Variants in PHIP observed in about 807,000 individuals in gnomAD.
PHIP encodes the protein PH-interacting protein.
PHIP carries 54 observed loss-of-function variants against 236.8 expected under a neutral mutation model. The ratio of observed to expected loss-of-function variants is 0.23; its 90% confidence interval spans 0.18 to 0.29. PHIP has a LOEUF of 0.29. PHIP is among the 10% of genes least tolerant of loss of function. PHIP has a pLI of 1.00. For missense variants in PHIP, 1,370 were observed against 2,190.8 expected, an observed-to-expected ratio of 0.63 and a Z score of 7.48; for synonymous variants, 756 against 718.9, an observed-to-expected ratio of 1.05 and a Z score of -0.83.
intron 4 of PHIP, 74 bp downstream of exon 4, chr6:79,077,374 A>G: frequency 7.3e-7 from 1 of 1,374,572 alleles, no homozygotes. Context: ...TTGTCTCTGT[A>G]AAAAATTGCG....
At chr6:79,032,031 T>C (rs1034517768) in intron 7 of PHIP, among the ~76,000 whole-genome samples, 1 of 152,194 alleles carries the variant, frequency 6.6e-6, no homozygotes, top group Non-Finnish European at 1.5e-5. Context: ...AATTTTTTGG[T>C]TTCCAAGTGC....
At chr6:79,002,170 T>C in intron 16 of PHIP, 46 bp from the exon 17 acceptor site, 2 of 1,342,102 alleles carry the variant, frequency 1.5e-6, no homozygotes, top group Non-Finnish European at 2.1e-6. Flanking sequence ...TAAAAATGTA[T>C]CATTGTAGAA....
At chr6:79,060,600 G>A (rs762358351) in intron 5 of PHIP, 24 bp from the exon 6 acceptor site, 51 of 1,607,972 alleles carry the variant, frequency 3.2e-5, no homozygotes, top group Non-Finnish European at 4.3e-5. Context: ...GTATTTTTAT[G>A]CATACAAAGA....
rs900359779 is a variant in PHIP at position 78,934,882 on chromosome 6, A to T, written c.*5811T>A. 2.0e-5 allele frequency among the ~76,000 whole-genome samples: 3 copies of T among 152,168 alleles called. No homozygotes were observed. The highest frequency in any genetic ancestry group is 4.4e-5 in the Non-Finnish European group (3 of 68,020). ...CACTGTGCTGCCAGTATGTCTAACCAATTAGGTAGAAAGGTATTTCATTGA... is the reference window on the plus strand; with the variant it reads ...CACTGTGCTGCCAGTATGTCTAACCTATTAGGTAGAAAGGTATTTCATTGA... On this transcript the variant is annotated 3_prime_UTR_variant, in exon 40 of 40. Coordinates refer to ENST00000275034, the MANE Select transcript of PHIP (RefSeq NM_017934.7).
At chr6:79,044,099 C>T (rs1012762214) in intron 6 of PHIP, among the ~76,000 whole-genome samples, 7 of 151,980 alleles carry the variant, frequency 4.6e-5, no homozygotes, top group African/African-American at 1.7e-4. Flanking sequence ...CCGCTGCCCC[C>T]ACCCCAAACC....
intron 7 of PHIP, among the ~76,000 whole-genome samples, chr6:79,030,454 T>C (rs1771613483): frequency 6.6e-6 from 1 of 152,156 alleles, no homozygotes; most frequent in Admixed American, 6.6e-5. Flanking sequence ...GTAAGAAAAC[T>C]TGAAAGTACA....
intron 4 of PHIP, among the ~76,000 whole-genome samples, chr6:79,072,608 G>A (rs796125452): frequency 7.2e-5 from 11 of 151,900 alleles, no homozygotes; most frequent in African/African-American, 2.4e-4. Flanking sequence ...CTCAGCCTTC[G>A]GGGTAATTGG....
chr6:78,955,154 A>G (rs1766331701), intron 34 of PHIP, 78 bp downstream of exon 34: 1 of 1,036,846 alleles, frequency 9.6e-7, no homozygotes, highest in South Asian at 1.6e-5. Flanking sequence ...TAAAATGCTA[A>G]GAGTAAAAAA....
At chr6:78,965,135 T>C (rs1767047839) in intron 29 of PHIP, among the ~76,000 whole-genome samples, 1 of 152,198 alleles carries the variant, frequency 6.6e-6, no homozygotes, top group African/African-American at 2.4e-5. Flanking sequence ...ATTACAACTA[T>C]ATCTTCATTG....
At chr6:79,014,518 C>T (rs1770744950) in intron 15 of PHIP, among the ~76,000 whole-genome samples, 1 of 151,690 alleles carries the variant, frequency 6.6e-6, no homozygotes, top group East Asian at 1.9e-4. Context: ...AAACACTGCT[C>T]GGTAAGTTGT....
chr6:79,019,138 T>C lies in PHIP; in HGVS notation c.945A>G (p.Thr315=). ...LKINPRPAKF[T]ERPRPGVQMI... ...TTTGAACTCCAGGCCGAGGGCGCTC[T>C]GTAAATTTTGCAGGTCTTGGGCTGT... The change falls in exon 10 of 40, where the codon ACA becomes ACG. Residue 315 remains threonine, a synonymous_variant. Transcript: ENST00000275034. The C allele has an allele frequency of 6.2e-7, 1 of 1,612,572 alleles. No homozygotes were observed. Among genetic ancestry groups the C allele is most frequent in the Non-Finnish European group, 8.5e-7 (1 of 1,178,784 alleles).
chr6:78,993,942 G>T (rs1383744253), intron 19 of PHIP, among the ~76,000 whole-genome samples: 14 of 152,164 alleles, frequency 9.2e-5, no homozygotes, highest in African/African-American at 3.1e-4. Context: ...CTTCTAGAAA[G>T]GATTCACCAT....
intron 19 of PHIP, among the ~76,000 whole-genome samples, chr6:78,995,240 A>G (rs1769531918): frequency 1.3e-5 from 2 of 152,224 alleles, no homozygotes; most frequent in South Asian, 4.1e-4. Context: ...TGGTGTGAAT[A>G]TACCATTGTT....
At chr6:78,968,313 GA>G (rs1767285548) in intron 27 of PHIP, among the ~76,000 whole-genome samples, 1 of 152,148 alleles carries the variant, frequency 6.6e-6, no homozygotes, top group South Asian at 2.1e-4. Context: ...TATCAGAGTT[GA>G]TTCTTGAAGA....
chr6:78,954,268 A>ATTT (rs66960387), intron 35 of PHIP, among the ~76,000 whole-genome samples: 3,109 of 147,098 alleles, frequency 0.021, 115 homozygotes, highest in African/African-American at 0.073. Context: ...CGCCTGGCTA[A>ATTT]TTTTTTTTTT....
intron 6 of PHIP, among the ~76,000 whole-genome samples, chr6:79,046,996 A>C (rs1284874780): frequency 2.6e-5 from 4 of 152,194 alleles, no homozygotes; most frequent in Non-Finnish European, 5.9e-5. Flanking sequence ...CTGCTAAATG[A>C]ATTTAATTGG....
chr6:78,942,508 A>G (rs1355942110), intron 39 of PHIP, among the ~76,000 whole-genome samples: 1 of 151,988 alleles, frequency 6.6e-6, no homozygotes, highest in Non-Finnish European at 1.5e-5. Context: ...ACAAAACAAA[A>G]CAACATGGTT....
At chr6:79,063,628 G>A (rs1773490997) in intron 4 of PHIP, among the ~76,000 whole-genome samples, 1 of 152,126 alleles carries the variant, frequency 6.6e-6, no homozygotes, top group Non-Finnish European at 1.5e-5. Context: ...TGTTGACCAG[G>A]CTGGTCTCGA....
intron 7 of PHIP, among the ~76,000 whole-genome samples, chr6:79,028,518 CTA>C (rs1214667761): frequency 6.6e-6 from 1 of 152,220 alleles, no homozygotes; most frequent in Non-Finnish European, 1.5e-5. Flanking sequence ...CTGTAGCAGA[CTA>C]TGACTCCCAG....
Sources: gnomAD v4.1 joint callset for allele counts (sites outside exome capture counted in the v4.1 genomes callset) on GRCh38, gnomAD v4.1.1 for gene constraint, MANE v1.5 for transcripts, NCBI Gene and HGNC (gene_info 2026-07-23, HGNC 2026-07-21) for gene names.